NARS2: variants seen among roughly 807,000 people sequenced by gnomAD.
The protein encoded by NARS2 is asparaginyl-tRNA synthetase 2, mitochondrial.
Under a neutral mutation model 62.9 loss-of-function variants are expected in NARS2, and 60 were observed. The ratio of observed to expected loss-of-function variants is 0.95; its 90% CI spans 0.77 to 1.18. NARS2 has a LOEUF of 1.18. Among genes scored for constraint, NARS2 ranks in the 50% most tolerant of loss-of-function variants. The probability of loss-of-function intolerance (pLI) is 0.00; values close to 1 mark genes in which losing one functional copy is unlikely to be tolerated. For synonymous variants in NARS2, 196 were observed against 200.0 expected (o/e 0.98, Z 0.17); for missense variants, 619 against 576.4 (o/e 1.07, Z -0.76).
chr11:78,557,640 A>T (rs1856402357), intron 5 of NARS2, among the ~76,000 whole-genome samples: 1 of 152,132 alleles, frequency 6.6e-6, no homozygotes, highest in African/African-American at 2.4e-5. Flanking sequence ...CAATCCCACA[A>T]ATTCCTTTCC....
intron 6 of NARS2, among the ~76,000 whole-genome samples, chr11:78,515,699 A>C (rs79064713): frequency 0.14 from 21,393 of 151,390 alleles, 5,001 homozygotes; most frequent in African/African-American, 0.49. Context: ...AAAAAAAAAA[A>C]CAAAACAATT....
At chr11:78,437,138 T>C (rs1285019184) in intron 13 of NARS2, among the ~76,000 whole-genome samples, 1 of 152,260 alleles carries the variant, frequency 6.6e-6, no homozygotes, top group Non-Finnish European at 1.5e-5. Context: ...GATTTACTAA[T>C]TTTCTTGAAA....
chr11:78,573,124 T>C (rs982521465), intron 1 of NARS2: 2 of 152,194 alleles, frequency 1.3e-5, no homozygotes, highest in African/African-American at 4.8e-5. Context: ...GAGGAGCAGA[T>C]TGGTCATACC....
intron 6 of NARS2, among the ~76,000 whole-genome samples, chr11:78,509,826 C>A (rs80247082): frequency 0.018 from 2,087 of 115,984 alleles, no homozygotes; most frequent in Non-Finnish European, 0.019. Context: ...GACTCTGTCT[C>A]AAAAAAAAAA....
intron 7 of NARS2, among the ~76,000 whole-genome samples, chr11:78,489,471 A>G (rs962273240): frequency 6.6e-6 from 1 of 152,202 alleles, no homozygotes; most frequent in African/African-American, 2.4e-5. Flanking sequence ...GAACAAGTAA[A>G]ACTTCCATAC....
At chr11:78,478,194 T>A (rs763906241) in intron 9 of NARS2, among the ~76,000 whole-genome samples, 4 of 150,680 alleles carry the variant, frequency 2.7e-5, no homozygotes, top group Admixed American at 6.6e-5. Context: ...TGCTATGATT[T>A]ATTAATTTAT....
intron 11 of NARS2, among the ~76,000 whole-genome samples, chr11:78,461,996 A>G (rs17753334): frequency 0.058 from 8,871 of 152,304 alleles, 400 homozygotes; most frequent in Non-Finnish European, 0.082. Flanking sequence ...TTAAGAGATT[A>G]CAGAATATAG....
chr11:78,456,764 ATTC>A (rs1164290466), intron 11 of NARS2, among the ~76,000 whole-genome samples: 2 of 152,190 alleles, frequency 1.3e-5, no homozygotes, highest in Non-Finnish European at 2.9e-5. Flanking sequence ...ATAAAAGACT[ATTC>A]TTCTCTGTGA....
At position 78,463,111 on chromosome 11, in the gene NARS2, C is replaced by A. The variant is rs979178898; in HGVS notation, c.1164+2765G>T. 4.6e-5 allele frequency among the ~76,000 whole-genome samples: 7 copies of A among 152,250 alleles called. No individual in the cohort carries two copies. The East Asian group carries it at 1.2e-3, about 25-fold the overall frequency. On this transcript the variant is annotated intron_variant, in intron 11 of 13. Transcript: ENST00000281038. ...TAGGGGGCTCCCTCTGTCGCCCAGG[C>A]TGGAGCACAGTGACACCATTATGGC...
chr11:78,473,064 G>A (rs967105401), intron 9 of NARS2, among the ~76,000 whole-genome samples: 11 of 152,192 alleles, frequency 7.2e-5, no homozygotes, highest in Non-Finnish European at 1.5e-4. Flanking sequence ...TACTCGGGAG[G>A]CTGAGGCAGG....
chr11:78,510,979 G>T (rs977093370), intron 6 of NARS2, among the ~76,000 whole-genome samples: 1 of 152,198 alleles, frequency 6.6e-6, no homozygotes, highest in African/African-American at 2.4e-5. Flanking sequence ...ACAATAGATC[G>T]GTGGTTGCCT....
chr11:78,553,932 A>G (rs979609984), intron 5 of NARS2, among the ~76,000 whole-genome samples: 3 of 152,198 alleles, frequency 2.0e-5, no homozygotes, highest in Middle Eastern at 3.2e-3. Context: ...TGTAAGGAAG[A>G]GGTCCAGCTT....
At chr11:78,509,211 C>T (rs1860622568) in intron 6 of NARS2, among the ~76,000 whole-genome samples, 1 of 151,440 alleles carries the variant, frequency 6.6e-6, no homozygotes, top group African/African-American at 2.4e-5. Flanking sequence ...AAAGAAATGT[C>T]AATAAAAAAT....
chr11:78,498,178 AATG>A (rs35389040), intron 6 of NARS2, among the ~76,000 whole-genome samples: 12,568 of 152,208 alleles, frequency 0.083, 708 homozygotes, highest in Non-Finnish European at 0.13. Flanking sequence ...TAGCAGGATC[AATG>A]ATAAGAGATG....
intron 6 of NARS2, among the ~76,000 whole-genome samples, chr11:78,514,686 C>T (rs1011592857): frequency 6.6e-6 from 1 of 152,136 alleles, no homozygotes; most frequent in East Asian, 1.9e-4. Flanking sequence ...GAGTCCCATA[C>T]ACTTGAAATG....
intron 5 of NARS2, among the ~76,000 whole-genome samples, chr11:78,544,662 T>A (rs1259212893): frequency 1.3e-5 from 2 of 151,820 alleles, no homozygotes; most frequent in South Asian, 4.2e-4. Flanking sequence ...GGCGCGGTGG[T>A]GGGTGCCTGT....
At chr11:78,453,636 C>G (rs769897565) in intron 11 of NARS2, among the ~76,000 whole-genome samples, 1 of 152,170 alleles carries the variant, frequency 6.6e-6, no homozygotes, top group African/African-American at 2.4e-5. Context: ...CAGTTTCTCA[C>G]AGGCTGTTAC....
At chr11:78,538,762 G>A (rs1171548787) in intron 5 of NARS2, among the ~76,000 whole-genome samples, 4 of 151,656 alleles carry the variant, frequency 2.6e-5, no homozygotes, top group African/African-American at 7.3e-5. Context: ...TTGGGAGGCC[G>A]AGGCGGGCGG....
At chr11:78,448,469 T>C (rs1263658226) in intron 11 of NARS2, among the ~76,000 whole-genome samples, 1 of 152,020 alleles carries the variant, frequency 6.6e-6, no homozygotes, top group Non-Finnish European at 1.5e-5. Flanking sequence ...TTTTGTATTT[T>C]TAGTAGAGAC....
Sources: gnomAD v4.1 joint callset for allele counts (sites outside exome capture counted in the v4.1 genomes callset) on GRCh38, gnomAD v4.1.1 for gene constraint, MANE v1.5 for transcripts, NCBI Gene and HGNC (gene_info 2026-07-23, HGNC 2026-07-21) for gene names.